Variants in RGS8 observed in about 807,000 individuals in gnomAD.
RGS8 encodes regulator of G protein signaling 8.
In RGS8, 8 loss-of-function variants were observed where a neutral mutation model predicts 21.7. The observed-to-expected ratio is 0.37, with a 90% confidence interval of 0.22 to 0.66. The LOEUF (loss-of-function observed/expected upper bound fraction) is 0.66, where lower values mean the gene tolerates loss of function less well. Ranked by LOEUF, RGS8 falls within the 30% of genes least tolerant of loss-of-function variation. The probability of loss-of-function intolerance (pLI) is 0.59; values close to 1 mark genes in which losing one functional copy is unlikely to be tolerated. For missense variants in RGS8, 157 were observed against 217.9 expected, an observed-to-expected ratio of 0.72 and a Z score of 1.76; for synonymous variants, 80 against 83.6, an observed-to-expected ratio of 0.96 and a Z score of 0.24.
chr1:182,726,676 A>C, the RGS8 span, among the ~76,000 whole-genome samples: 2 of 152,094 alleles, frequency 1.3e-5, no homozygotes, highest in Non-Finnish European at 2.9e-5. Context: ...GTCTCAAAAA[A>C]AAAAAAAGAT....
chr1:182,743,589 A>G, the RGS8 span, among the ~76,000 whole-genome samples: 2 of 152,172 alleles, frequency 1.3e-5, no homozygotes, highest in African/African-American at 2.4e-5. Context: ...TTCCAGCATC[A>G]TTTCCCACTA....
chr1:182,745,269 A>T, the RGS8 span, among the ~76,000 whole-genome samples: 719 of 152,356 alleles, frequency 4.7e-3, 7 homozygotes, highest in African/African-American at 0.016. Flanking sequence ...TTGCCCTAGA[A>T]ACAGGAATAA....
intron 2 of RGS8, 57 bp downstream of exon 3, chr1:182,671,600 C>T: frequency 6.9e-7 from 1 of 1,453,430 alleles, no homozygotes; most frequent in Non-Finnish European, 9.7e-7. Flanking sequence ...ATGGATAATG[C>T]AATCGGTGCA....
At chr1:182,683,553 G>A (rs1192555556) in intron 1 of RGS8, among the ~76,000 whole-genome samples, 3 of 146,522 alleles carry the variant, frequency 2.0e-5, no homozygotes, top group Non-Finnish European at 4.5e-5. Flanking sequence ...TTCTCAGTAT[G>A]TAGTTCAACA....
the RGS8 span, chr1:182,712,940 AG>A: frequency 6.6e-6 from 1 of 152,190 alleles, no homozygotes; most frequent in Middle Eastern, 3.2e-3. Context: ...CTGAAACTAA[AG>A]TATTTCACCT....
the RGS8 span, among the ~76,000 whole-genome samples, chr1:182,743,519 C>T: frequency 6.6e-6 from 1 of 152,186 alleles, no homozygotes. Context: ...AGACTGAACT[C>T]ATAATAACTC....
the RGS8 span, among the ~76,000 whole-genome samples, chr1:182,747,041 G>GTATTTTTTTT: frequency 3.8e-5 from 1 of 26,194 alleles, no homozygotes; most frequent in Admixed American, 5.5e-4. Context: ...AACACTGCTG[G>GTATTTTTTTT]TCTTTTTTTT....
the RGS8 span, among the ~76,000 whole-genome samples, chr1:182,719,574 G>T: frequency 6.6e-6 from 1 of 151,030 alleles, no homozygotes; most frequent in Non-Finnish European, 1.5e-5. Flanking sequence ...GCGACTACAG[G>T]CGCATACCAC....
upstream of RGS8, among the ~76,000 whole-genome samples, chr1:182,685,945 G>T (rs1664691744): frequency 6.6e-6 from 1 of 152,188 alleles, no homozygotes; most frequent in East Asian, 1.9e-4. Flanking sequence ...ATGGAGAAGT[G>T]AGTTAAGCAC....
At chr1:182,721,830 C>A in the RGS8 span, among the ~76,000 whole-genome samples, 4 of 152,264 alleles carry the variant, frequency 2.6e-5, 1 homozygote, top group Middle Eastern at 0.014. Context: ...AAGTTTGAAG[C>A]CTACAGAGTC....
At chr1:182,668,847 G>A (rs762410317) in intron 3 of RGS8, among the ~76,000 whole-genome samples, 24 of 152,196 alleles carry the variant, frequency 1.6e-4, no homozygotes, top group Non-Finnish European at 3.1e-4. Flanking sequence ...GAGGGCCCTC[G>A]AGTCATCACA....
chr1:182,723,778 T>C, the RGS8 span, among the ~76,000 whole-genome samples: 2 of 152,206 alleles, frequency 1.3e-5, no homozygotes. Context: ...ATATAAATTG[T>C]TCCTTTGTAT....
the RGS8 span, among the ~76,000 whole-genome samples, chr1:182,716,766 C>T: frequency 1.3e-5 from 2 of 152,078 alleles, no homozygotes; most frequent in Non-Finnish European, 2.9e-5. Context: ...AGTTTGAATT[C>T]CGGCCCTGCC....
At chr1:182,648,289 A>G (rs200612196) in exon 6 of RGS8, 1 of 1,613,560 alleles carries the variant, frequency 6.2e-7, no homozygotes, top group Non-Finnish European at 8.5e-7. Flanking sequence ...AAGGCACGGA[A>G]TGCAGCCACC....
chr1:182,687,243 G>A (rs904401933), upstream of RGS8, among the ~76,000 whole-genome samples: 1 of 152,040 alleles, frequency 6.6e-6, no homozygotes, highest in Non-Finnish European at 1.5e-5. Context: ...GTCTCACTAT[G>A]TTGCCCAGGC....
the RGS8 span, among the ~76,000 whole-genome samples, chr1:182,742,700 C>G: frequency 6.6e-6 from 1 of 152,050 alleles, no homozygotes; most frequent in Non-Finnish European, 1.5e-5. Flanking sequence ...TACCGTCCAG[C>G]TTTGGCTCGG....
chr1:182,703,075 T>C, the RGS8 span, among the ~76,000 whole-genome samples: 6 of 152,346 alleles, frequency 3.9e-5, no homozygotes, highest in South Asian at 6.2e-4. Context: ...TTATGTACCA[T>C]GCACTTTGCA....
chr1:182,671,618 AC>A (rs757845170), intron 2 of RGS8, 38 bp downstream of exon 3: 7 of 1,565,344 alleles, frequency 4.5e-6, no homozygotes, highest in Non-Finnish European at 4.4e-6. Flanking sequence ...GCACACAGAC[AC>A]CCCGGAGAAG....
downstream of RGS8, chr1:182,645,692 G>A (rs1662670874): frequency 6.6e-6 from 1 of 152,318 alleles, no homozygotes; most frequent in South Asian, 2.1e-4. Context: ...ATGCTGGAAA[G>A]AGTTTCAGCC....
Sources: gnomAD v4.1 joint callset for allele counts (sites outside exome capture counted in the v4.1 genomes callset) on GRCh38, gnomAD v4.1.1 for gene constraint, MANE v1.5 for transcripts, NCBI Gene and HGNC (gene_info 2026-07-23, HGNC 2026-07-21) for gene names.